Variants in RASEF observed in about 807,000 individuals in gnomAD.
RASEF encodes the protein RAS and EF-hand domain containing, also known as ras and EF-hand domain-containing protein.
Under a neutral mutation model 90.1 loss-of-function variants are expected in RASEF, and 68 were observed. The ratio of observed to expected loss-of-function variants is 0.75; its 90% CI spans 0.62 to 0.92. The LOEUF (loss-of-function observed/expected upper bound fraction) is 0.92, where lower values mean the gene tolerates loss of function less well. RASEF is among the 40% of genes least tolerant of loss of function. RASEF has a pLI of 0.00. For missense variants in RASEF, 949 were observed against 937.2 expected (o/e 1.01, Z -0.16); for synonymous variants, 331 against 345.2 (o/e 0.96, Z 0.46).
the RASEF span, among the ~76,000 whole-genome samples, chr9:83,131,139 A>G: frequency 2.6e-5 from 4 of 152,230 alleles, no homozygotes; most frequent in Non-Finnish European, 5.9e-5. Context: ...TCTTCAAACA[A>G]CAGGATTTGT....
the RASEF span, among the ~76,000 whole-genome samples, chr9:83,212,362 C>G: frequency 5.3e-5 from 8 of 152,152 alleles, no homozygotes; most frequent in East Asian, 1.5e-3. Context: ...ATGTATAGCT[C>G]AAGTTGTATT....
At chr9:83,127,910 G>A in the RASEF span, among the ~76,000 whole-genome samples, 42 of 152,156 alleles carry the variant, frequency 2.8e-4, no homozygotes, top group East Asian at 2.1e-3. Context: ...AATATTTCCC[G>A]TGATATTTCT....
At chr9:83,066,796 C>G (rs78834702), upstream of RASEF, among the ~76,000 whole-genome samples, 1,167 of 152,262 alleles carry the variant, frequency 7.7e-3, 16 homozygotes, top group African/African-American at 0.027. Context: ...CTATTATATT[C>G]CTTTGAGATA....
At chr9:83,091,582 T>A in the RASEF span, among the ~76,000 whole-genome samples, 7 of 152,216 alleles carry the variant, frequency 4.6e-5, no homozygotes, top group South Asian at 4.1e-4. Flanking sequence ...AATAATTTTT[T>A]AAAAAATGAA....
At chr9:83,166,558 C>T in the RASEF span, among the ~76,000 whole-genome samples, 1 of 152,170 alleles carries the variant, frequency 6.6e-6, no homozygotes, top group South Asian at 2.1e-4. Flanking sequence ...AGAACCCAGA[C>T]AGCCGGGGTG....
the RASEF span, among the ~76,000 whole-genome samples, chr9:83,136,869 G>A: frequency 6.6e-6 from 1 of 151,940 alleles, no homozygotes; most frequent in Non-Finnish European, 1.5e-5. Flanking sequence ...CTATGTCAGT[G>A]CCTTGGGTTT....
chr9:83,170,559 A>T, the RASEF span, among the ~76,000 whole-genome samples: 2 of 151,788 alleles, frequency 1.3e-5, no homozygotes, highest in Non-Finnish European at 2.9e-5. Flanking sequence ...TGAACCTGGC[A>T]TATTTTTTCT....
the RASEF span, among the ~76,000 whole-genome samples, chr9:83,179,729 T>G: frequency 3.3e-5 from 5 of 152,298 alleles, no homozygotes; most frequent in East Asian, 9.6e-4. Flanking sequence ...TATTTAAAAG[T>G]ACCCAGATAT....
the RASEF span, among the ~76,000 whole-genome samples, chr9:83,102,330 G>A: frequency 6.6e-6 from 1 of 152,022 alleles, no homozygotes; most frequent in Non-Finnish European, 1.5e-5. Flanking sequence ...CACCCACTTC[G>A]GCCTCCCAGA....
At chr9:83,194,373 G>A in the RASEF span, among the ~76,000 whole-genome samples, 20 of 152,246 alleles carry the variant, frequency 1.3e-4, no homozygotes, top group Non-Finnish European at 2.4e-4. Flanking sequence ...AATGCTTTCT[G>A]CATGGTTACA....
chr9:83,092,011 T>TTTTTTTTTTTTTTTTTTTTTTTC, the RASEF span, among the ~76,000 whole-genome samples: 1 of 128,148 alleles, frequency 7.8e-6, no homozygotes, highest in Non-Finnish European at 1.6e-5. Flanking sequence ...TTCTTTTTTT[T>TTTTTTTTTTTTTTTTTTTTTTTC]TTTTTTTTTT....
At chr9:83,093,764 G>A in the RASEF span, among the ~76,000 whole-genome samples, 43 of 152,358 alleles carry the variant, frequency 2.8e-4, no homozygotes, top group African/African-American at 6.7e-4. Context: ...ACAGTGCAGC[G>A]GTGGGCTGAA....
chr9:83,126,791 T>C, the RASEF span, among the ~76,000 whole-genome samples: 1 of 152,230 alleles, frequency 6.6e-6, no homozygotes, highest in African/African-American at 2.4e-5. Context: ...TTAAACATAA[T>C]TTTATTAAAA....
At chr9:82,983,148 CACACA>C (rs1828647488) in intron 16 of RASEF, among the ~76,000 whole-genome samples, 1 of 151,428 alleles carries the variant, frequency 6.6e-6, no homozygotes, top group Non-Finnish European at 1.5e-5. Flanking sequence ...CACACACACA[CACACA>C]CACCCTTCTC....
intron 1 of RASEF, among the ~76,000 whole-genome samples, chr9:83,039,552 G>A (rs1829801631): frequency 6.6e-6 from 1 of 152,138 alleles, no homozygotes; most frequent in South Asian, 2.1e-4. Context: ...CCTGCACAGG[G>A]TTAGGGAGAG....
At chr9:83,159,497 A>T in the RASEF span, among the ~76,000 whole-genome samples, 1 of 152,228 alleles carries the variant, frequency 6.6e-6, no homozygotes, top group Non-Finnish European at 1.5e-5. Flanking sequence ...AAAGCAAGGG[A>T]GAACCTTAAA....
rs771368997 is a variant in RASEF at position 83,012,509 on chromosome 9, G to C, written c.768C>G (p.Leu256=). The change falls in exon 5 of 17, where the codon CTC becomes CTG. Residue 256 remains leucine (L), a splice_region_variant and synonymous_variant. Coordinates refer to ENST00000376447, the MANE Select transcript of RASEF (RefSeq NM_152573.4). ...GACTTACGCGTTTTGATTGTTCTTC[G>C]AGCTGAAAGACCAAATAAAAGTTGT... ...LQVTIKKLRK[L]EEQSKRVSQK... 6.3e-7 allele frequency: 1 copy of C among 1,576,570 alleles called. No homozygotes were observed. Among genetic ancestry groups the C allele is most frequent in the Non-Finnish European group, 8.6e-7 (1 of 1,159,566 alleles).
chr9:83,014,415 C>T (rs1038141319), intron 4 of RASEF, among the ~76,000 whole-genome samples: 1 of 152,040 alleles, frequency 6.6e-6, no homozygotes, highest in Non-Finnish European at 1.5e-5. Context: ...ATCCTTCCAC[C>T]CCAGCCTCCT....
At chr9:83,188,802 TA>T in the RASEF span, among the ~76,000 whole-genome samples, 4 of 152,330 alleles carry the variant, frequency 2.6e-5, no homozygotes, top group South Asian at 8.3e-4. Context: ...TTAAGATTTT[TA>T]AACCCCTTGA....
Sources: gnomAD v4.1 joint callset for allele counts (sites outside exome capture counted in the v4.1 genomes callset) on GRCh38, gnomAD v4.1.1 for gene constraint, MANE v1.5 for transcripts, NCBI Gene and HGNC (gene_info 2026-07-23, HGNC 2026-07-21) for gene names.